PTPRG: variants seen among roughly 807,000 people sequenced by gnomAD.
PTPRG encodes the protein receptor-type tyrosine-protein phosphatase gamma.
In PTPRG, 102 loss-of-function variants were observed where a neutral mutation model predicts 165.3. That is an observed-to-expected ratio of 0.62 (90% CI 0.53 to 0.73). The LOEUF (loss-of-function observed/expected upper bound fraction) is 0.73. Among genes scored for constraint, PTPRG ranks in the 30% least tolerant of loss-of-function variants. PTPRG has a pLI of 0.00. For synonymous variants in PTPRG, 675 were observed against 669.5 expected (o/e 1.01, Z -0.13); for missense variants, 1,866 against 1,861.4 (o/e 1.00, Z -0.05).
intron 2 of PTPRG, among the ~76,000 whole-genome samples, chr3:61,812,081 A>G (rs189452451): frequency 7.2e-5 from 11 of 152,338 alleles, no homozygotes; most frequent in African/African-American, 2.6e-4. Flanking sequence ...TTCAGGAGGT[A>G]GAACTGCTAG....
chr3:61,693,119 G>A (rs1481228420), intron 1 of PTPRG, among the ~76,000 whole-genome samples: 1 of 152,176 alleles, frequency 6.6e-6, no homozygotes, highest in African/African-American at 2.4e-5. Flanking sequence ...AGTACAATTT[G>A]CCCATTCATT....
chr3:61,667,531 C>G (rs976277793), intron 1 of PTPRG, among the ~76,000 whole-genome samples: 1 of 152,172 alleles, frequency 6.6e-6, no homozygotes, highest in Non-Finnish European at 1.5e-5. Context: ...CATTTTAATT[C>G]ACTTGCTTCT....
intron 2 of PTPRG, among the ~76,000 whole-genome samples, chr3:61,816,580 A>C (rs2035770017): frequency 6.6e-6 from 1 of 152,148 alleles, no homozygotes; most frequent in African/African-American, 2.4e-5. Context: ...ACTCTATCCC[A>C]TCCAGCTATC....
At chr3:61,855,255 G>A in intron 2 of PTPRG, among the ~76,000 whole-genome samples, 1 of 152,286 alleles carries the variant, frequency 6.6e-6, no homozygotes, top group South Asian at 2.1e-4. Context: ...TCTTGTTCTA[G>A]ATTAGCCGCC....
intron 1 of PTPRG, among the ~76,000 whole-genome samples, chr3:61,565,977 TGAA>T (rs1225029832): frequency 6.6e-6 from 1 of 152,056 alleles, no homozygotes; most frequent in Non-Finnish European, 1.5e-5. Context: ...TGTTTGAAAA[TGAA>T]GAATCTTTAC....
chr3:61,582,953 T>TA (rs1700338275), intron 1 of PTPRG, among the ~76,000 whole-genome samples: 1 of 152,170 alleles, frequency 6.6e-6, no homozygotes, highest in African/African-American at 2.4e-5. Flanking sequence ...AGCGATAGAA[T>TA]AATGAGATAA....
chr3:61,569,593 A>G (rs1442422920), intron 1 of PTPRG, among the ~76,000 whole-genome samples: 2 of 152,242 alleles, frequency 1.3e-5, no homozygotes, highest in East Asian at 3.8e-4. Flanking sequence ...TGCTAGGATT[A>G]CAGGCCTGAG....
chr3:61,941,278 A>G (rs2039620867), intron 2 of PTPRG, among the ~76,000 whole-genome samples: 1 of 152,260 alleles, frequency 6.6e-6, no homozygotes, highest in Non-Finnish European at 1.5e-5. Flanking sequence ...GACTCTCATT[A>G]TTATGATTCT....
At chr3:61,863,834 C>A (rs72882233) in intron 2 of PTPRG, among the ~76,000 whole-genome samples, 217 of 152,274 alleles carry the variant, frequency 1.4e-3, no homozygotes, top group African/African-American at 5.0e-3. Context: ...TTCCCACTTT[C>A]CATAGAAAAG....
In PTPRG at chr3:62,237,909, G is replaced by A. The variant is rs972310620; in HGVS notation, c.2376-5898G>A. Among the ~76,000 whole-genome samples, 6 of 152,198 alleles carry A rather than the reference G, an allele frequency of 3.9e-5. No homozygotes were observed. Among genetic ancestry groups the A allele is most frequent in the Non-Finnish European group, 8.8e-5 (6 of 68,038 alleles). On this transcript the variant is annotated intron_variant, in intron 14 of 29. Transcript: ENST00000474889. The surrounding 1 kb of genome is among the most constrained non-coding windows in gnomAD (Gnocchi z 4.5). The stretch of plus-strand genomic sequence containing the variant: ...AAACCTTTCTTAGAAATCTTTTGAA[G>A]ATATATGAGCCCGTGTTTGGTTTTC...
chr3:61,855,474 G>T (rs139145451), intron 2 of PTPRG, among the ~76,000 whole-genome samples: 2 of 152,204 alleles, frequency 1.3e-5, no homozygotes, highest in East Asian at 3.9e-4. Flanking sequence ...CTGGAATTCT[G>T]TGGTTGCTTG....
intron 2 of PTPRG, among the ~76,000 whole-genome samples, chr3:61,949,505 A>G (rs2039844767): frequency 6.6e-6 from 1 of 152,158 alleles, no homozygotes; most frequent in African/African-American, 2.4e-5. Flanking sequence ...TATGTGCCAC[A>G]TGCCTCAATG....
rs1159361963 is a variant in PTPRG at position 61,934,890 on chromosome 3, C to T, written c.191-54735C>T. 3.3e-5 allele frequency among the ~76,000 whole-genome samples: 5 copies of T among 152,162 alleles called. No individual in the cohort carries two copies. In the East Asian group the frequency reaches 9.6e-4, roughly 29 times the overall value. On this transcript the variant is annotated intron_variant, in intron 2 of 29. Coordinates refer to ENST00000474889, the MANE Select transcript of PTPRG (RefSeq NM_002841.4). ...TGTTGTGTATCATGCCCCTGGTGCT[C>T]AAATCAGTGGCTGGCACATCATGAT... is the stretch of plus-strand genomic sequence containing the variant.
intron 2 of PTPRG, among the ~76,000 whole-genome samples, chr3:61,792,635 T>C (rs1281883935): frequency 6.6e-6 from 1 of 152,238 alleles, no homozygotes; most frequent in Non-Finnish European, 1.5e-5. Flanking sequence ...TTCTTAGTTC[T>C]GTTTCCCATG....
At chr3:62,218,168 A>C (rs990744315) in intron 12 of PTPRG, among the ~76,000 whole-genome samples, 1 of 152,186 alleles carries the variant, frequency 6.6e-6, no homozygotes, top group Admixed American at 6.5e-5. Flanking sequence ...GCTCAGTCTT[A>C]GAGTCGGTGG....
At chr3:62,029,719 A>G (rs1699701306) in intron 4 of PTPRG, among the ~76,000 whole-genome samples, 2 of 152,228 alleles carry the variant, frequency 1.3e-5, no homozygotes, top group South Asian at 2.1e-4. Flanking sequence ...AAGGGAAAAC[A>G]TTCACACACA....
chr3:61,961,463 G>A (rs903433323), intron 2 of PTPRG, among the ~76,000 whole-genome samples: 1 of 152,092 alleles, frequency 6.6e-6, no homozygotes, highest in Non-Finnish European at 1.5e-5. Context: ...TTTCTGCTCA[G>A]GTCAGATTGA....
At chr3:62,171,642 A>C (rs1321565867) in intron 8 of PTPRG, among the ~76,000 whole-genome samples, 1 of 151,698 alleles carries the variant, frequency 6.6e-6, no homozygotes, top group Non-Finnish European at 1.5e-5. Context: ...TGATTTTAAC[A>C]TTTACCCATG....
intron 2 of PTPRG, among the ~76,000 whole-genome samples, chr3:61,834,739 G>T (rs1445028437): frequency 6.6e-6 from 1 of 152,174 alleles, no homozygotes; most frequent in Non-Finnish European, 1.5e-5. Context: ...CTTTAACCCA[G>T]GAGGTGGAGT....
Sources: allele counts gnomAD v4.1 joint callset (sites outside exome capture counted in the v4.1 genomes callset), GRCh38; gene constraint gnomAD v4.1.1; non-coding constraint Gnocchi (gnomAD v3.1); transcripts MANE v1.5; gene names NCBI Gene and HGNC (gene_info 2026-07-23, HGNC 2026-07-21).